Variants in RIMS3 observed in about 807,000 individuals in gnomAD.
RIMS3 encodes regulating synaptic membrane exocytosis protein 3.
RIMS3 carries 15 observed loss-of-function variants against 29.2 expected under a neutral mutation model. The ratio of observed to expected loss-of-function variants is 0.51; its 90% CI spans 0.34 to 0.79. RIMS3 has a LOEUF of 0.79. Among genes scored for constraint, RIMS3 ranks in the 30% least tolerant of loss-of-function variants. The pLI is 0.01. For synonymous variants in RIMS3, 161 were observed against 170.1 expected (o/e 0.95, Z 0.41); for missense variants, 342 against 421.4 (o/e 0.81, Z 1.65).
the RIMS3 span, among the ~76,000 whole-genome samples, chr1:40,681,945 T>TGACTCC: frequency 6.6e-6 from 1 of 152,230 alleles, no homozygotes; most frequent in Non-Finnish European, 1.5e-5. Context: ...GTGATTTTCC[T>TGACTCC]GCCTCCGCCT....
the RIMS3 span, among the ~76,000 whole-genome samples, chr1:40,682,741 CT>C: frequency 3.9e-3 from 305 of 77,502 alleles, 22 homozygotes; most frequent in African/African-American, 8.3e-3. Flanking sequence ...CTTTGCAGAT[CT>C]TTTTTTTTTT....
At position 40,641,810 on chromosome 1, in the gene RIMS3, G is replaced by T; in HGVS notation, c.116C>A (p.Thr39Asn). ...GCTCCGCCGCTTCTTGGCGGTGGTG[G>T]TCCCAGCCCCGCCCCCGGCTTGCTG... ...GSQQAGGGAG[T>N]TTAKKRRSSL... The change falls in exon 3 of 8, where the codon ACC (threonine) becomes AAC (asparagine). Residue 39 changes from threonine (T) to asparagine (N), a missense_variant. By Grantham distance (65) the Thr-to-Asn change is moderately conservative. Transcript: ENST00000372684. 6.2e-7 allele frequency: 1 copy of T among 1,612,666 alleles called. No individual in the cohort carries two copies. The highest frequency in any genetic ancestry group is 2.2e-5 in the East Asian group (1 of 44,856).
chr1:40,667,758 G>C (rs1471936773), upstream of RIMS3, among the ~76,000 whole-genome samples: 2 of 152,216 alleles, frequency 1.3e-5, no homozygotes, highest in African/African-American at 2.4e-5. Context: ...TATTGAAGCA[G>C]GACTAGACCG....
At chr1:40,665,699 G>T, upstream of RIMS3, 1 of 152,920 alleles carries the variant, frequency 6.5e-6, no homozygotes, top group South Asian at 1.9e-4. Flanking sequence ...TTGGGCCGGC[G>T]GGAGGCGAAG....
At chr1:40,629,179 C>A in intron 6 of RIMS3, 92 bp downstream of exon 6, 1 of 1,219,884 alleles carries the variant, frequency 8.2e-7, no homozygotes, top group South Asian at 1.3e-5. Context: ...TAAAGAATCC[C>A]GATTTAGGCC....
chr1:40,685,269 GA>G, the RIMS3 span, among the ~76,000 whole-genome samples: 1 of 135,782 alleles, frequency 7.4e-6, no homozygotes, highest in Non-Finnish European at 1.6e-5. Flanking sequence ...AATTTATTAT[GA>G]AAAACATAAT....
chr1:40,689,636 C>T, the RIMS3 span, among the ~76,000 whole-genome samples: 23 of 152,136 alleles, frequency 1.5e-4, no homozygotes, highest in Non-Finnish European at 2.4e-4. Flanking sequence ...AGCTTGACGA[C>T]ATTAGGGTGA....
Position 40,635,207 on chromosome 1 carries a change from C to T in RIMS3, c.359+709G>A, listed in dbSNP as rs1646511929. On this transcript the variant is annotated intron_variant, in intron 4 of 7. Transcript: ENST00000372684. The surrounding 1 kb of genome is among the most constrained non-coding windows in gnomAD (Gnocchi z 4.1). The stretch of plus-strand genomic sequence containing the variant: ...GCAGAAGCAGAAAATCTTAGTCATA[C>T]AACTATAATTTCATAGACTTAGAAG... Among the ~76,000 whole-genome samples the T allele has an allele frequency of 6.6e-6, 1 of 152,210 alleles. No individual in the cohort carries two copies. Among genetic ancestry groups the T allele is most frequent in the African/African-American group, 2.4e-5 (1 of 41,454 alleles).
intron 1 of RIMS3, among the ~76,000 whole-genome samples, chr1:40,662,124 C>T (rs1455606398): frequency 6.6e-6 from 1 of 152,172 alleles, no homozygotes; most frequent in African/African-American, 2.4e-5. Flanking sequence ...CTGCTTAAAA[C>T]CCTTTAGGGG....
At chr1:40,633,277 G>A in intron 4 of RIMS3, 96 bp from the exon 5 acceptor site, 1 of 883,408 alleles carries the variant, frequency 1.1e-6, no homozygotes, top group Non-Finnish European at 1.8e-6. Context: ...CTGGGGCCCT[G>A]GGCACGTCCC....
chr1:40,641,102 T>G (rs7524868), intron 3 of RIMS3, among the ~76,000 whole-genome samples: 40,676 of 152,138 alleles, frequency 0.27, 5,917 homozygotes, highest in Non-Finnish European at 0.33. Context: ...TGTGGCTATT[T>G]GTATTTAGGA....
chr1:40,629,742 A>G lies in RIMS3; in HGVS notation c.473-370T>C, dbSNP rs113234745. ...GGAAGACAGGGGAGGCTGTGGGCTC[A>G]GTGGCTGTTCTTCACCTCCCCATAC... is the stretch of plus-strand genomic sequence containing the variant. On this transcript the variant is annotated intron_variant, in intron 5 of 7. Coordinates refer to ENST00000372684, the MANE Select transcript of RIMS3 (RefSeq NM_014747.3). Among the ~76,000 whole-genome samples the G allele has an allele frequency of 7.8e-3, 1,192 of 152,246 alleles. 17 individuals are homozygous for G. Among genetic ancestry groups the G allele is most frequent in the African/African-American group, 0.027 (1,140 of 41,528 alleles).
chr1:40,630,730 C>T (rs1646484179), intron 5 of RIMS3, among the ~76,000 whole-genome samples: 1 of 152,246 alleles, frequency 6.6e-6, no homozygotes, highest in African/African-American at 2.4e-5. Flanking sequence ...ATGGTCCCGG[C>T]TGCCATGGCG....
intron 1 of RIMS3, among the ~76,000 whole-genome samples, chr1:40,655,876 G>A (rs2148358444): frequency 6.6e-6 from 1 of 152,336 alleles, no homozygotes. Context: ...AGCCGGGCAT[G>A]GTGGCACGCA....
At chr1:40,652,576 G>T (rs1037888521) in intron 1 of RIMS3, among the ~76,000 whole-genome samples, 3 of 152,226 alleles carry the variant, frequency 2.0e-5, no homozygotes, top group Admixed American at 2.0e-4. Flanking sequence ...CAACTACTGG[G>T]AAGGCCCAGG....
At chr1:40,688,290 T>C in the RIMS3 span, among the ~76,000 whole-genome samples, 2 of 152,178 alleles carry the variant, frequency 1.3e-5, no homozygotes, top group African/African-American at 4.8e-5. Flanking sequence ...AGGCCAAAGG[T>C]ACACAATGAG....
chr1:40,630,560 C>A (rs982796819), intron 5 of RIMS3, among the ~76,000 whole-genome samples: 5 of 152,130 alleles, frequency 3.3e-5, no homozygotes, highest in African/African-American at 1.2e-4. Flanking sequence ...TTTCAAGAGA[C>A]CTCCTGGAAT....
Position 40,636,185 on chromosome 1 carries a change from G to A in RIMS3, c.218-128C>T. 1 of 1,214,436 alleles carries A rather than the reference G, an allele frequency of 8.2e-7. No individual in the cohort carries two copies. The highest frequency in any genetic ancestry group is 1.2e-6 in the Non-Finnish European group (1 of 860,996). 75.2% of individuals were successfully genotyped at this position (1,214,436 alleles called of 1,614,324 possible). On this transcript the variant is annotated intron_variant, in intron 3 of 7. Coordinates refer to ENST00000372684, the MANE Select transcript of RIMS3 (RefSeq NM_014747.3). The surrounding 1 kb of genome is among the most constrained non-coding windows in gnomAD (Gnocchi z 4.2). The stretch of plus-strand genomic sequence containing the variant: ...TGATGGGGAGGATGAGCAGGGCTCT[G>A]ACTGGAGGCAGGGGCATGGCTGAGC...
intron 5 of RIMS3, among the ~76,000 whole-genome samples, chr1:40,630,070 C>CAAAA (rs35370598): frequency 1.9e-5 from 2 of 103,694 alleles, no homozygotes; most frequent in Admixed American, 9.9e-5. Flanking sequence ...GACTCCGTCT[C>CAAAA]AAAAAAAAAA....
Sources: gnomAD v4.1 joint callset for allele counts (sites outside exome capture counted in the v4.1 genomes callset) on GRCh38, gnomAD v4.1.1 for gene constraint, Gnocchi (gnomAD v3.1) non-coding constraint, MANE v1.5 for transcripts, NCBI Gene and HGNC (gene_info 2026-07-23, HGNC 2026-07-21) for gene names.